Variants in PLPP7 observed in about 807,000 individuals in gnomAD.
PLPP7 encodes the protein phospholipid phosphatase 7 (inactive), also known as inactive phospholipid phosphatase 7.
A neutral mutation model predicts 16.9 loss-of-function variants in PLPP7; 11 were observed. That is an observed-to-expected ratio of 0.65 (90% CI 0.41 to 1.08). The LOEUF is 1.08. PLPP7 is among the 50% of genes least tolerant of loss of function. PLPP7 has a pLI of 0.00. For synonymous variants in PLPP7, 174 were observed against 175.1 expected (o/e 0.99, Z 0.05); for missense variants, 358 against 397.1 (o/e 0.90, Z 0.84).
chr9:131,300,884 C>A (rs1222145310), intron 1 of PLPP7, among the ~76,000 whole-genome samples: 1 of 151,980 alleles, frequency 6.6e-6, no homozygotes, highest in African/African-American at 2.4e-5. Context: ...TAAAGTCAGC[C>A]TTTCCTCCCC....
intron 1 of PLPP7, among the ~76,000 whole-genome samples, chr9:131,299,888 G>A (rs1835777176): frequency 6.6e-6 from 1 of 152,198 alleles, no homozygotes; most frequent in African/African-American, 2.4e-5. Context: ...CCCAGCTGGA[G>A]AGCCAGGCTG....
rs1026928823 is a variant in PLPP7, at chr9:131,290,702, C to T, written c.451+254C>T. 6.6e-6 allele frequency among the ~76,000 whole-genome samples: 1 copy of T among 152,194 alleles called. No homozygotes were observed. The highest frequency in any genetic ancestry group is 1.5e-5 in the Non-Finnish European group (1 of 68,034). On this transcript the variant is annotated intron_variant, in intron 1 of 1. Transcript: ENST00000372264. This position sits in a 1 kb window ranked among gnomAD's most constrained non-coding sequence, Gnocchi z 4.2. Reference sequence around the variant, plus strand: ...GGCCATTGCGGCCCTGTGAGAAGGACCTGCTCAGCAAAAGGCACCGCTGCC... The same window carrying T: ...GGCCATTGCGGCCCTGTGAGAAGGATCTGCTCAGCAAAAGGCACCGCTGCC...
rs143567744 is a variant in PLPP7, at chr9:131,295,305, C to G, written c.451+4857C>G. Among the ~76,000 whole-genome samples the G allele has an allele frequency of 6.6e-6, 1 of 151,812 alleles. No individual in the cohort carries two copies. The highest frequency in any genetic ancestry group is 1.5e-5 in the Non-Finnish European group (1 of 67,942). On this transcript the variant is annotated intron_variant, in intron 1 of 1. Coordinates refer to ENST00000372264, the MANE Select transcript of PLPP7 (RefSeq NM_032728.4). The surrounding 1 kb of genome is among the most constrained non-coding windows in gnomAD (Gnocchi z 4.0). ...AGTAGCTGGGATTACAGGTGCCCGC[C>G]ACCACGACTGGCTAATTTTTGTATT...
chr9:131,290,643 G>A lies in PLPP7; in HGVS notation c.451+195G>A, dbSNP rs1043566612. Among the ~76,000 whole-genome samples, 13 of 152,136 alleles carry A rather than the reference G, an allele frequency of 8.5e-5. No homozygotes were observed. Among genetic ancestry groups the A allele is most frequent in the Admixed American group, 1.3e-4 (2 of 15,286 alleles). ...GAGCGACAGCCAGGGATGCATAGAC[G>A]AGGCTCTCCTGCCACATGCCAAATG... On this transcript the variant is annotated intron_variant, in intron 1 of 1. Coordinates refer to ENST00000372264, the MANE Select transcript of PLPP7 (RefSeq NM_032728.4). The surrounding 1 kb of genome is among the most constrained non-coding windows in gnomAD (Gnocchi z 4.2).
intron 1 of PLPP7, among the ~76,000 whole-genome samples, chr9:131,296,725 G>A (rs1170082443): frequency 3.3e-5 from 5 of 152,176 alleles, no homozygotes; most frequent in Non-Finnish European, 7.3e-5. Flanking sequence ...CTCAGGCTGT[G>A]TTTTGCCCGG....
chr9:131,290,030 G>A lies in PLPP7; in HGVS notation c.33G>A (p.Arg11=). ...CTTCCCAGAGCCGGGCCCGTGCCCG[G>A]GACCGCAACAACGTCCTCAACCGGG... MPASQSRARA[R]DRNNVLNRAE... is the part of the protein sequence containing the mutation. Residue 11 remains arginine (R), a synonymous_variant, in exon 1 of 2, where the codon CGG becomes CGA. Transcript: ENST00000372264. This position sits in a 1 kb window ranked among gnomAD's most constrained non-coding sequence, Gnocchi z 4.2. The A allele has an allele frequency of 6.9e-7, 1 of 1,440,480 alleles. No homozygotes were observed. Among genetic ancestry groups the A allele is most frequent in the Non-Finnish European group, 9.1e-7 (1 of 1,100,446 alleles). The allele number at this position is 1,440,480 out of a possible 1,614,324, so 89.2% of individuals were successfully genotyped here. A position where few individuals can be genotyped will look rare whatever the true frequency, so the allele number is the denominator to read the frequency against.
intron 1 of PLPP7, among the ~76,000 whole-genome samples, chr9:131,303,411 AG>A (rs1475358914): frequency 2.7e-5 from 4 of 150,414 alleles, no homozygotes; most frequent in Non-Finnish European, 5.9e-5. Flanking sequence ...TCTGAGGGGC[AG>A]GATTACAGGT....
rs372991589 is a variant in PLPP7 at position 131,298,709 on chromosome 9, A to G, written c.451+8261A>G. ...AGGAGGAGATGATTCCAAATCTTCC[A>G]GGATGGCAGCAGCTCTTCTCCAAGA... On this transcript the variant is annotated intron_variant, in intron 1 of 1. Coordinates refer to ENST00000372264, the MANE Select transcript of PLPP7 (RefSeq NM_032728.4). 3.5e-3 allele frequency among the ~76,000 whole-genome samples: 534 copies of G among 152,368 alleles called. 5 individuals are homozygous for G. Among genetic ancestry groups the G allele is most frequent in the African/African-American group, 0.012 (501 of 41,584 alleles).
At chr9:131,300,860 C>G (rs1193743318) in intron 1 of PLPP7, among the ~76,000 whole-genome samples, 1 of 152,074 alleles carries the variant, frequency 6.6e-6, no homozygotes, top group Non-Finnish European at 1.5e-5. Context: ...CAGTGTACCC[C>G]CCGGGTGACT....
At chr9:131,302,517 C>G (rs781216091) in intron 1 of PLPP7, among the ~76,000 whole-genome samples, 2 of 152,310 alleles carry the variant, frequency 1.3e-5, no homozygotes, top group South Asian at 4.1e-4. Context: ...GCACGAAACC[C>G]GGGCATGGTC....
intron 1 of PLPP7, among the ~76,000 whole-genome samples, chr9:131,302,447 C>T (rs1053495877): frequency 2.0e-5 from 3 of 152,164 alleles, no homozygotes; most frequent in African/African-American, 7.2e-5. Flanking sequence ...GCCCTGGGGA[C>T]CTGGCAGTCC....
At chr9:131,299,819 G>A (rs549186741) in intron 1 of PLPP7, among the ~76,000 whole-genome samples, 50 of 152,280 alleles carry the variant, frequency 3.3e-4, no homozygotes, top group African/African-American at 1.1e-3. Flanking sequence ...CCCAAGAACC[G>A]GCGGTGCCCA....
At chr9:131,291,230 A>G in intron 1 of PLPP7, 1 of 1,348,262 alleles carries the variant, frequency 7.4e-7, no homozygotes, top group African/African-American at 1.5e-5. Context: ...CCAGGTCCCC[A>G]AGGTGCCCCA....
rs543801301 is a variant in PLPP7 at position 131,303,684 on chromosome 9, A to G, written c.452-4239A>G. Among the ~76,000 whole-genome samples the G allele has an allele frequency of 2.9e-4, 44 of 152,204 alleles. No homozygotes were observed. The East Asian group carries it at 5.6e-3, about 19-fold the overall frequency. ...AACTCAATCATTTGCTGCGACTTCC[A>G]TGCTTTAGCACTGAATATCTTGTGT... On this transcript the variant is annotated intron_variant, in intron 1 of 1. Coordinates refer to ENST00000372264, the MANE Select transcript of PLPP7 (RefSeq NM_032728.4).
At chr9:131,307,527 G>A (rs1588211312) in intron 1 of PLPP7, among the ~76,000 whole-genome samples, 1 of 114,840 alleles carries the variant, frequency 8.7e-6, no homozygotes, top group East Asian at 2.8e-4. Context: ...ACTCCAGCCT[G>A]GTTGACAAAG....
At chr9:131,307,834 A>AG in intron 1 of PLPP7, 89 bp from the exon 2 acceptor site, 3 of 1,334,584 alleles carry the variant, frequency 2.2e-6, no homozygotes, top group Non-Finnish European at 3.0e-6. Context: ...AGGAGCAGAA[A>AG]GGGGAGGCGA....
intron 1 of PLPP7, among the ~76,000 whole-genome samples, chr9:131,293,557 C>T (rs534679862): frequency 3.0e-4 from 46 of 152,326 alleles, no homozygotes; most frequent in Non-Finnish European, 5.6e-4. Context: ...TCCCCTGCCC[C>T]GGGGAAAGCA....
intron 1 of PLPP7, among the ~76,000 whole-genome samples, chr9:131,291,605 GTAA>G (rs1835679179): frequency 7.2e-6 from 1 of 139,262 alleles, no homozygotes; most frequent in Non-Finnish European, 1.5e-5. Flanking sequence ...CACCCAGGCT[GTAA>G]GACTGAAGTG....
intron 1 of PLPP7, chr9:131,291,498 C>T: frequency 1.3e-6 from 1 of 794,234 alleles, no homozygotes; most frequent in Non-Finnish European, 1.6e-6. Context: ...GAGGCAGAAA[C>T]CATTGGATAC....
Sources: gnomAD v4.1 joint callset for allele counts (sites outside exome capture counted in the v4.1 genomes callset) on GRCh38, gnomAD v4.1.1 for gene constraint, Gnocchi (gnomAD v3.1) non-coding constraint, MANE v1.5 for transcripts, NCBI Gene and HGNC (gene_info 2026-07-23, HGNC 2026-07-21) for gene names.